Variants in ALDH1A2 observed in about 807,000 individuals in gnomAD.
ALDH1A2 encodes the protein retinal dehydrogenase 2.
Under a neutral mutation model 60.3 loss-of-function variants are expected in ALDH1A2, and 27 were observed. That is an observed-to-expected ratio of 0.45 (90% confidence interval 0.33 to 0.62). The LOEUF (loss-of-function observed/expected upper bound fraction) is 0.62, where lower values mean the gene tolerates loss of function less well. Ranked by LOEUF, ALDH1A2 falls within the 20% of genes least tolerant of loss-of-function variation. The pLI is 0.02. For missense variants in ALDH1A2, 581 were observed against 643.8 expected, an observed-to-expected ratio of 0.90 and a Z score of 1.06; for synonymous variants, 289 against 232.4, an observed-to-expected ratio of 1.24 and a Z score of -2.21.
intron 7 of ALDH1A2, among the ~76,000 whole-genome samples, chr15:57,979,316 T>C (rs1894396081): frequency 6.6e-6 from 1 of 152,118 alleles, no homozygotes; most frequent in South Asian, 2.1e-4. Flanking sequence ...TGTTAATGCA[T>C]CCTGAAACTT....
chr15:57,958,199 T>C lies in ALDH1A2; in HGVS notation c.1484+2571A>G, dbSNP rs555026783. ...ACTGGAGGTGACTTCTCTGTATGCA[T>C]GCGTGTACACGCACGCACACACACA... On this transcript the variant is annotated intron_variant, in intron 12 of 12. Transcript: ENST00000249750. Among the ~76,000 whole-genome samples the C allele has an allele frequency of 3.6e-4, 37 of 103,556 alleles. No individual in the cohort carries two copies. The South Asian group carries it at 7.4e-3, about 21-fold the overall frequency. The allele number at this position is 103,556 out of a possible 152,430, so 67.9% of individuals were successfully genotyped here. A position where few individuals can be genotyped will look rare whatever the true frequency, so the allele number is the denominator to read the frequency against.
At chr15:58,055,327 TTAA>T (rs1454710753) in intron 1 of ALDH1A2, among the ~76,000 whole-genome samples, 3 of 152,140 alleles carry the variant, frequency 2.0e-5, no homozygotes, top group Non-Finnish European at 4.4e-5. Flanking sequence ...TATTGTAGTA[TTAA>T]TAATAAAAGC....
chr15:57,963,498 C>T (rs1403665187), intron 9 of ALDH1A2, among the ~76,000 whole-genome samples: 1 of 152,004 alleles, frequency 6.6e-6, no homozygotes, highest in African/African-American at 2.4e-5. Flanking sequence ...CGCCACCTCG[C>T]CCGGCTAATT....
intron 7 of ALDH1A2, chr15:57,990,192 G>A (rs1488826514): frequency 6.6e-6 from 1 of 152,136 alleles, no homozygotes; most frequent in African/African-American, 2.4e-5. Context: ...TCTTATAAAT[G>A]AAACCAATAC....
chr15:57,955,396 A>G, intron 12 of ALDH1A2, 127 bp from the exon 13 acceptor site: 1 of 953,304 alleles, frequency 1.0e-6, no homozygotes, highest in Non-Finnish European at 1.7e-6. Flanking sequence ...TTCATGTAAA[A>G]ATTCCTCACG....
intron 4 of ALDH1A2, among the ~76,000 whole-genome samples, chr15:57,997,470 G>A (rs1895102231): frequency 1.3e-5 from 2 of 151,748 alleles, no homozygotes; most frequent in African/African-American, 4.8e-5. Context: ...AGTGCAAATG[G>A]GGCTGAGGAA....
intron 4 of ALDH1A2, among the ~76,000 whole-genome samples, chr15:58,005,229 G>A (rs1311164635): frequency 6.6e-6 from 1 of 151,888 alleles, no homozygotes; most frequent in Non-Finnish European, 1.5e-5. Flanking sequence ...TTATCACTTA[G>A]ACATCCCACC....
intron 1 of ALDH1A2, among the ~76,000 whole-genome samples, chr15:58,033,691 T>C (rs1322441146): frequency 6.6e-6 from 1 of 151,584 alleles, no homozygotes; most frequent in Admixed American, 6.6e-5. Flanking sequence ...TCTTTTTTTT[T>C]TTTTTTTTAC....
chr15:58,007,812 C>T lies in ALDH1A2; in HGVS notation c.493+2837G>A, dbSNP rs566818620. On this transcript the variant is annotated intron_variant, in intron 4 of 12. Coordinates refer to ENST00000249750, the MANE Select transcript of ALDH1A2 (RefSeq NM_003888.4). ...ACTTCACTGTGAAAAAAAAAAAAGC[C>T]AAGTATGCAGAGACAAAATGAAGCT... Among the ~76,000 whole-genome samples the T allele has an allele frequency of 2.6e-4, 38 of 148,914 alleles. No individual in the cohort carries two copies. In the South Asian group the frequency reaches 6.2e-3, roughly 24 times the overall value.
intron 9 of ALDH1A2, 125 bp from the exon 10 acceptor site, chr15:57,962,301 T>A: frequency 8.3e-7 from 1 of 1,200,710 alleles, no homozygotes; most frequent in Non-Finnish European, 1.2e-6. Flanking sequence ...TCAGATCATA[T>A]AAAACTGCTG....
chr15:57,976,873 C>T (rs374577365), intron 7 of ALDH1A2, among the ~76,000 whole-genome samples: 16 of 152,238 alleles, frequency 1.1e-4, no homozygotes, highest in Admixed American at 6.5e-4. Context: ...ATTTATACTC[C>T]CATCAACAGT....
chr15:57,965,662 G>T (rs1893870052), intron 8 of ALDH1A2, 63 bp downstream of exon 8: 3 of 1,164,046 alleles, frequency 2.6e-6, no homozygotes, highest in African/African-American at 3.0e-5. Flanking sequence ...CAAAAGTGGA[G>T]ATATAAAAGA....
intron 1 of ALDH1A2, among the ~76,000 whole-genome samples, chr15:58,056,913 G>T (rs969923431): frequency 5.3e-5 from 8 of 152,036 alleles, no homozygotes; most frequent in Non-Finnish European, 1.2e-4. Flanking sequence ...AGACTAATGG[G>T]AACTCTGACA....
chr15:57,954,948 C>G lies in ALDH1A2; in HGVS notation c.*249G>C, dbSNP rs999094176. On this transcript the variant is annotated 3_prime_UTR_variant, in exon 13 of 13. Coordinates refer to ENST00000249750, the MANE Select transcript of ALDH1A2 (RefSeq NM_003888.4). ...GAGATACTGGATGTGTCTGCTAGCT[C>G]CTCCTCCTCCCTTTATCCCACTTTC... is the stretch of plus-strand genomic sequence containing the variant. 2 of 572,916 alleles carry G rather than the reference C, an allele frequency of 3.5e-6. No homozygotes were observed. The highest frequency in any genetic ancestry group is 3.0e-5 in the East Asian group (1 of 33,640). The allele number at this position is 572,916 out of a possible 1,614,324, so 35.5% of individuals were successfully genotyped here. A position where few individuals can be genotyped will look rare whatever the true frequency, so the allele number is the denominator to read the frequency against.
chr15:58,006,324 G>C (rs1342791096), intron 4 of ALDH1A2, among the ~76,000 whole-genome samples: 10 of 151,990 alleles, frequency 6.6e-5, no homozygotes, highest in African/African-American at 2.4e-4. Context: ...CTCCATTCAA[G>C]ATGTTGCAAA....
chr15:58,059,871 T>C (rs1595698102), intron 1 of ALDH1A2, among the ~76,000 whole-genome samples: 1 of 152,038 alleles, frequency 6.6e-6, no homozygotes, highest in African/African-American at 2.4e-5. Flanking sequence ...ATAAATGTAA[T>C]AAAAATAATT....
Position 58,011,246 on chromosome 15 carries a change from G to A in ALDH1A2, c.364-468C>T, listed in dbSNP as rs34787788. On this transcript the variant is annotated intron_variant, in intron 3 of 12. Coordinates refer to ENST00000249750, the MANE Select transcript of ALDH1A2 (RefSeq NM_003888.4). ...CCTGCTGAGAAATGGAATATCCATG[G>A]TGCACAGCAAGTTTATTTATTACCA... Among the ~76,000 whole-genome samples, 941 of 152,206 alleles carry A rather than the reference G, an allele frequency of 6.2e-3. 14 individuals carry two copies. The highest frequency in any genetic ancestry group is 0.021 in the African/African-American group (860 of 41,516).
intron 1 of ALDH1A2, among the ~76,000 whole-genome samples, chr15:58,050,083 A>G (rs375930800): frequency 1.6e-4 from 25 of 152,096 alleles, no homozygotes; most frequent in South Asian, 6.2e-4. Flanking sequence ...GCTTATCTCA[A>G]TGTTTTTGTT....
At chr15:57,987,261 G>GA (rs1894736019) in intron 7 of ALDH1A2, among the ~76,000 whole-genome samples, 1 of 151,838 alleles carries the variant, frequency 6.6e-6, no homozygotes, top group Non-Finnish European at 1.5e-5. Flanking sequence ...AAAAAGATTT[G>GA]AAAAAATAAT....
Sources: gnomAD v4.1 joint callset for allele counts (sites outside exome capture counted in the v4.1 genomes callset) on GRCh38, gnomAD v4.1.1 for gene constraint, MANE v1.5 for transcripts, NCBI Gene and HGNC (gene_info 2026-07-23, HGNC 2026-07-21) for gene names.